CNTN4: variants seen among roughly 807,000 people sequenced by gnomAD.
CNTN4 encodes contactin-4.
In CNTN4, 77 loss-of-function variants were observed where a neutral mutation model predicts 122.5. The observed-to-expected ratio is 0.63, with a 90% confidence interval of 0.52 to 0.76. The LOEUF (loss-of-function observed/expected upper bound fraction) is 0.76. Ranked by LOEUF, CNTN4 falls within the 30% of genes least tolerant of loss-of-function variation. The pLI is 0.00. For synonymous variants in CNTN4, 512 were observed against 447.0 expected (o/e 1.15, Z -1.83); for missense variants, 1,256 against 1,259.1 (o/e 1.00, Z 0.04).
chr3:2,976,941 C>T lies in CNTN4; in HGVS notation c.1359-11404C>T, dbSNP rs138289006. On this transcript the variant is annotated intron_variant, in intron 13 of 24. Transcript: ENST00000418658. ...AGGTAGGTCTATAGCATACAGCCTA[C>T]CCATGCCAATTAATCTGCCAGGCTT... is the stretch of plus-strand genomic sequence containing the variant. 5.9e-5 allele frequency among the ~76,000 whole-genome samples: 9 copies of T among 152,070 alleles called. 1 individual carries two copies. Among genetic ancestry groups the T allele is most frequent in the African/African-American group, 2.2e-4 (9 of 41,508 alleles).
intron 16 of CNTN4, among the ~76,000 whole-genome samples, chr3:3,031,592 C>CCG (rs1553732029): frequency 2.0e-5 from 3 of 151,974 alleles, no homozygotes; most frequent in African/African-American, 7.3e-5. Flanking sequence ...ATGACCCCCC[C>CCG]GGCTGAGCAA....
intron 2 of CNTN4, among the ~76,000 whole-genome samples, chr3:2,176,795 A>G (rs552579805): frequency 1.9e-4 from 29 of 152,170 alleles, no homozygotes; most frequent in Non-Finnish European, 3.8e-4. Flanking sequence ...ATATGAAATA[A>G]AGAAACTATA....
chr3:2,660,425 T>C (rs1277498945), intron 4 of CNTN4, among the ~76,000 whole-genome samples: 1 of 152,152 alleles, frequency 6.6e-6, no homozygotes, highest in Non-Finnish European at 1.5e-5. Flanking sequence ...ACCTTAGATA[T>C]CTAGGACGCT....
At chr3:2,562,621 C>T (rs970740368) in intron 3 of CNTN4, among the ~76,000 whole-genome samples, 2 of 152,014 alleles carry the variant, frequency 1.3e-5, no homozygotes, top group East Asian at 3.9e-4. Context: ...TTCTTTAATC[C>T]ACCATCGATG....
At chr3:2,179,661 G>GT (rs143005677) in intron 2 of CNTN4, among the ~76,000 whole-genome samples, 84 of 151,450 alleles carry the variant, frequency 5.5e-4, no homozygotes, top group South Asian at 1.0e-3. Context: ...TACACTCAGT[G>GT]TTTTTTTTAA....
At chr3:2,315,457 G>GTTA (rs2043064224) in intron 2 of CNTN4, among the ~76,000 whole-genome samples, 1 of 151,936 alleles carries the variant, frequency 6.6e-6, no homozygotes, top group Admixed American at 6.6e-5. Context: ...ATCCAGCTTG[G>GTTA]TTATTAATAA....
At chr3:2,753,468 C>T (rs375564106) in intron 6 of CNTN4, among the ~76,000 whole-genome samples, 2 of 152,148 alleles carry the variant, frequency 1.3e-5, no homozygotes, top group African/African-American at 4.8e-5. Flanking sequence ...CAATGAAGCA[C>T]AGATATTACT....
chr3:2,137,626 G>GA (rs2034761209), intron 2 of CNTN4, among the ~76,000 whole-genome samples: 1 of 152,188 alleles, frequency 6.6e-6, no homozygotes, highest in East Asian at 1.9e-4. Context: ...ACCTTGTGTA[G>GA]AAAAAAGATT....
intron 23 of CNTN4, among the ~76,000 whole-genome samples, chr3:3,052,977 T>G (rs1197582166): frequency 6.6e-6 from 1 of 152,248 alleles, no homozygotes; most frequent in Non-Finnish European, 1.5e-5. Flanking sequence ...TCAGAGATAC[T>G]ATTTCTTACA....
intron 10 of CNTN4, among the ~76,000 whole-genome samples, chr3:2,900,114 C>T (rs2094157008): frequency 6.6e-6 from 1 of 152,184 alleles, no homozygotes; most frequent in Non-Finnish European, 1.5e-5. Context: ...CATTTTCATC[C>T]TATGTAGCTT....
At chr3:2,753,750 G>C (rs571436470) in intron 6 of CNTN4, among the ~76,000 whole-genome samples, 4 of 152,218 alleles carry the variant, frequency 2.6e-5, no homozygotes, top group Admixed American at 1.3e-4. Flanking sequence ...AACAATCTTT[G>C]ATATAGTAAG....
intron 12 of CNTN4, among the ~76,000 whole-genome samples, chr3:2,911,687 CA>C (rs2094301334): frequency 6.6e-6 from 1 of 151,488 alleles, no homozygotes; most frequent in Non-Finnish European, 1.5e-5. Flanking sequence ...TAAAGGAAAT[CA>C]GGTAAATGAT....
chr3:2,324,817 C>T (rs1261360442), intron 2 of CNTN4, among the ~76,000 whole-genome samples: 1 of 151,562 alleles, frequency 6.6e-6, no homozygotes, highest in Admixed American at 6.6e-5. Context: ...CCTCCCCTAG[C>T]CCCCAACTTT....
intron 16 of CNTN4, among the ~76,000 whole-genome samples, chr3:3,034,209 A>G (rs1403667698): frequency 1.3e-5 from 2 of 152,192 alleles, no homozygotes; most frequent in African/African-American, 2.4e-5. Flanking sequence ...CCAGCAGACT[A>G]TACTCTTTAT....
At chr3:2,835,513 A>T (rs2093205929) in intron 7 of CNTN4, among the ~76,000 whole-genome samples, 1 of 152,196 alleles carries the variant, frequency 6.6e-6, no homozygotes, top group Admixed American at 6.5e-5. Context: ...AGCCAAAAAA[A>T]ATTTAAACAA....
chr3:2,706,123 TC>T lies in CNTN4; in HGVS notation c.56-30091del, dbSNP rs2086720448. On this transcript the variant is annotated intron_variant, in intron 4 of 24. Transcript: ENST00000418658. ...TTGGTAGAGATTAGACATCTATTAA[TC>T]TAGCAGAATAGCCAAATGACTACAG... Among the ~76,000 whole-genome samples, 3 of 150,834 alleles carry T rather than the reference TC, an allele frequency of 2.0e-5. No homozygotes were observed. In the South Asian group the frequency reaches 6.2e-4, roughly 31 times the overall value.
intron 8 of CNTN4, among the ~76,000 whole-genome samples, chr3:2,878,553 C>CTCTCTCTGTGTGTGTG (rs930160038): frequency 6.8e-6 from 1 of 146,844 alleles, no homozygotes; most frequent in Non-Finnish European, 1.5e-5. Flanking sequence ...GAGATGCTCT[C>CTCTCTCTGTGTGTGTG]TGTGTGTGTG....
chr3:2,981,406 T>C (rs373121911), intron 13 of CNTN4, among the ~76,000 whole-genome samples: 188 of 151,962 alleles, frequency 1.2e-3, no homozygotes, highest in Admixed American at 3.1e-3. Context: ...ATCGCAGCAC[T>C]GCACTCCAGC....
intron 6 of CNTN4, among the ~76,000 whole-genome samples, chr3:2,779,181 T>C (rs1349857351): frequency 6.6e-6 from 1 of 152,208 alleles, no homozygotes; most frequent in Non-Finnish European, 1.5e-5. Context: ...CATCACGATG[T>C]TGAAATGGCT....
Sources: allele counts gnomAD v4.1 joint callset (sites outside exome capture counted in the v4.1 genomes callset), GRCh38; gene constraint gnomAD v4.1.1; transcripts MANE v1.5; gene names NCBI Gene and HGNC (gene_info 2026-07-23, HGNC 2026-07-21).